SKAP2: variants seen among roughly 807,000 people sequenced by gnomAD.
SKAP2 encodes the protein src kinase-associated phosphoprotein 2.
In SKAP2, 28 loss-of-function variants were observed where a neutral mutation model predicts 54.9. The observed-to-expected ratio is 0.51, with a 90% CI of 0.38 to 0.70. SKAP2 has a LOEUF of 0.70. Among genes scored for constraint, SKAP2 ranks in the 30% least tolerant of loss-of-function variants. The pLI is 0.00. For missense variants in SKAP2, 356 were observed against 424.1 expected, an observed-to-expected ratio of 0.84 and a Z score of 1.41; for synonymous variants, 137 against 134.3, an observed-to-expected ratio of 1.02 and a Z score of -0.14.
At chr7:26,834,228 A>G (rs1784660142) in intron 4 of SKAP2, among the ~76,000 whole-genome samples, 1 of 152,254 alleles carries the variant, frequency 6.6e-6, no homozygotes, top group African/African-American at 2.4e-5. Context: ...CTAAATCACC[A>G]TAAGAGAAAG....
In SKAP2 at chr7:26,844,088, T is replaced by C. The variant is rs528531270; in HGVS notation, c.249A>G (p.Pro83=). Residue 83 remains proline (P), a synonymous_variant, in exon 4 of 13, where the codon CCA becomes CCG. Transcript: ENST00000345317. ...EEYDDPFAGP[P]DTISLASERY... is the part of the protein sequence containing the mutation. ...GTTCTGAGGCTAATGAAATAGTGTC[T>C]GGAGGCCCAGCAAAAGGGTCATCAT... 1 of 1,612,578 alleles carries C rather than the reference T, an allele frequency of 6.2e-7. No individual in the cohort carries two copies. Among genetic ancestry groups the C allele is most frequent in the Admixed American group, 1.7e-5 (1 of 59,918 alleles).
At chr7:26,709,790 A>G (rs1311165547) in intron 9 of SKAP2, among the ~76,000 whole-genome samples, 1 of 152,194 alleles carries the variant, frequency 6.6e-6, no homozygotes, top group Non-Finnish European at 1.5e-5. Flanking sequence ...GTCTTGCTCG[A>G]GATGACTAGC....
intron 1 of SKAP2, among the ~76,000 whole-genome samples, chr7:26,862,112 C>T (rs1785284018): frequency 2.0e-5 from 3 of 151,938 alleles, no homozygotes; most frequent in Admixed American, 1.3e-4. Context: ...AATATAAATA[C>T]TTCTATAATG....
intron 4 of SKAP2, among the ~76,000 whole-genome samples, chr7:26,837,241 G>A (rs1008162854): frequency 6.6e-6 from 1 of 152,096 alleles, no homozygotes; most frequent in Non-Finnish European, 1.5e-5. Flanking sequence ...TGTAGATGAT[G>A]GGTTGATGGG....
chr7:26,722,701 G>T (rs1197031119), intron 9 of SKAP2, among the ~76,000 whole-genome samples: 3 of 151,956 alleles, frequency 2.0e-5, no homozygotes, highest in Non-Finnish European at 4.4e-5. Flanking sequence ...GAGCCACTGC[G>T]CCCAGCCCAT....
chr7:26,655,676 CT>C, the SKAP2 span, among the ~76,000 whole-genome samples: 3 of 152,238 alleles, frequency 2.0e-5, no homozygotes, highest in Non-Finnish European at 2.9e-5. Context: ...AGTTTTCCCC[CT>C]AGAGTACTCC....
At chr7:26,740,140 A>G (rs977646029) in intron 4 of SKAP2, among the ~76,000 whole-genome samples, 176 bp from the exon 5 acceptor site, 1 of 105,770 alleles carries the variant, frequency 9.5e-6, no homozygotes. Context: ...TCCTCCTAAA[A>G]GTCTCAAAAG....
At chr7:26,755,953 A>T (rs1293208606) in intron 4 of SKAP2, among the ~76,000 whole-genome samples, 7 of 152,226 alleles carry the variant, frequency 4.6e-5, no homozygotes, top group Admixed American at 3.9e-4. Context: ...ATGCTGTTAC[A>T]TGATGGTGTA....
intron 7 of SKAP2, among the ~76,000 whole-genome samples, chr7:26,726,218 A>T (rs982960827): frequency 3.3e-5 from 5 of 152,162 alleles, no homozygotes; most frequent in Non-Finnish European, 7.4e-5. Context: ...CAGGAAAAAA[A>T]GCTGCTTCTC....
intron 6 of SKAP2, among the ~76,000 whole-genome samples, chr7:26,728,769 G>A (rs541632071): frequency 6.6e-6 from 1 of 152,230 alleles, no homozygotes; most frequent in South Asian, 2.1e-4. Flanking sequence ...AAATATCAAA[G>A]CCATATTGGA....
At chr7:26,829,706 G>C (rs1784562943) in intron 4 of SKAP2, among the ~76,000 whole-genome samples, 1 of 152,116 alleles carries the variant, frequency 6.6e-6, no homozygotes, top group Non-Finnish European at 1.5e-5. Flanking sequence ...ACTACAGTAA[G>C]ATACCACTTC....
intron 4 of SKAP2, among the ~76,000 whole-genome samples, chr7:26,756,358 T>C (rs1053418892): frequency 1.3e-5 from 2 of 152,242 alleles, no homozygotes; most frequent in Non-Finnish European, 2.9e-5. Context: ...TCCCGGTGTG[T>C]GATGTTCCCC....
chr7:26,864,055 T>TCACTCACACACACA (rs1554310126), intron 1 of SKAP2, among the ~76,000 whole-genome samples: 1 of 143,332 alleles, frequency 7.0e-6, no homozygotes, highest in Non-Finnish European at 1.5e-5. Context: ...CGCCCTTCTG[T>TCACTCACACACACA]CACACACACA....
intron 11 of SKAP2, among the ~76,000 whole-genome samples, chr7:26,671,872 T>C (rs1023970297): frequency 5.2e-4 from 79 of 152,002 alleles, no homozygotes; most frequent in Non-Finnish European, 3.1e-4. Flanking sequence ...AATAGGTACC[T>C]AATAAAACTA....
intron 4 of SKAP2, among the ~76,000 whole-genome samples, chr7:26,796,171 GAA>G (rs1392626936): frequency 6.6e-6 from 1 of 152,056 alleles, no homozygotes; most frequent in Admixed American, 6.6e-5. Context: ...ATGATGCTAC[GAA>G]AAGTCAACAC....
At chr7:26,666,582 T>C (rs1029110211), downstream of SKAP2, among the ~76,000 whole-genome samples, 4 of 152,118 alleles carry the variant, frequency 2.6e-5, no homozygotes, top group Admixed American at 6.5e-5. Context: ...AAACAAAACA[T>C]GAAACAAAAA....
chr7:26,796,217 A>G (rs1265217546), intron 4 of SKAP2, among the ~76,000 whole-genome samples: 1 of 152,248 alleles, frequency 6.6e-6, no homozygotes, highest in African/African-American at 2.4e-5. Flanking sequence ...GTATTAAATC[A>G]TAACTGCATA....
At chr7:26,724,680 A>C (rs1448347090) in intron 9 of SKAP2, among the ~76,000 whole-genome samples, 5 of 152,176 alleles carry the variant, frequency 3.3e-5, no homozygotes, top group Admixed American at 3.3e-4. Flanking sequence ...TAGCCAAAAA[A>C]GCTCATTTCA....
the SKAP2 span, among the ~76,000 whole-genome samples, chr7:26,662,037 A>AATTCCAGTGTTCTTACTACT: frequency 1.3e-5 from 2 of 152,106 alleles, no homozygotes; most frequent in African/African-American, 4.8e-5. Flanking sequence ...GGTTGACTCC[A>AATTCCAGTGTTCTTACTACT]ATTCCAGTGT....
Sources: allele counts gnomAD v4.1 joint callset (sites outside exome capture counted in the v4.1 genomes callset), GRCh38; gene constraint gnomAD v4.1.1; transcripts MANE v1.5; gene names NCBI Gene and HGNC (gene_info 2026-07-23, HGNC 2026-07-21).